The following LSAMP variants were observed in gnomAD, a reference collection of about 807,000 sequenced individuals.
The protein encoded by LSAMP is limbic system associated membrane protein, also known as limbic system-associated membrane protein.
A neutral mutation model predicts 38.6 loss-of-function variants in LSAMP; 7 were observed. The ratio of observed to expected loss-of-function variants is 0.18; its 90% confidence interval spans 0.10 to 0.34. The LOEUF (loss-of-function observed/expected upper bound fraction) is 0.34, where lower values mean the gene tolerates loss of function less well. Ranked by LOEUF, LSAMP falls within the 10% of genes least tolerant of loss-of-function variation. The pLI is 1.00. For synonymous variants in LSAMP, 154 were observed against 166.8 expected, an observed-to-expected ratio of 0.92 and a Z score of 0.59; for missense variants, 313 against 420.0, an observed-to-expected ratio of 0.75 and a Z score of 2.23.
intron 3 of LSAMP, among the ~76,000 whole-genome samples, chr3:116,001,716 T>G (rs911417294): frequency 1.2e-4 from 19 of 152,282 alleles, no homozygotes; most frequent in African/African-American, 4.3e-4. Context: ...GTGTAGTATC[T>G]TCAAGTCTCT....
chr3:116,007,663 A>AACACAC lies in LSAMP; in HGVS notation c.514+11846_514+11851dup, dbSNP rs71616337. 2.8e-3 allele frequency among the ~76,000 whole-genome samples: 415 copies of AACACAC among 150,876 alleles called. 2 individuals are homozygous for AACACAC. Among genetic ancestry groups the AACACAC allele is most frequent in the African/African-American group, 8.8e-3 (363 of 41,148 alleles). On this transcript the variant is annotated intron_variant, in intron 3 of 6. Coordinates refer to ENST00000490035, the MANE Select transcript of LSAMP (RefSeq NM_002338.5). ...GCATATATATCAAGATATTTTTATA[A>AACACAC]ACACACACACACACACACAGTCACT... is the stretch of plus-strand genomic sequence containing the variant.
chr3:116,138,275 A>T (rs1018787198), intron 1 of LSAMP, among the ~76,000 whole-genome samples: 1 of 152,108 alleles, frequency 6.6e-6, no homozygotes, highest in African/African-American at 2.4e-5. Flanking sequence ...TATTCTACAC[A>T]ACTTGTGTTA....
At chr3:115,985,287 T>C (rs1215617839) in intron 3 of LSAMP, among the ~76,000 whole-genome samples, 1 of 152,144 alleles carries the variant, frequency 6.6e-6, no homozygotes, top group Non-Finnish European at 1.5e-5. Flanking sequence ...ATTGGCTTAG[T>C]GGTTAATTAG....
intron 1 of LSAMP, among the ~76,000 whole-genome samples, chr3:116,381,957 T>G (rs533873444): frequency 6.6e-6 from 1 of 152,156 alleles, no homozygotes; most frequent in East Asian, 1.9e-4. Flanking sequence ...GTACAGCGTT[T>G]GAGACAAAAA....
At chr3:115,973,024 G>A (rs1158843639) in intron 3 of LSAMP, among the ~76,000 whole-genome samples, 5 of 152,090 alleles carry the variant, frequency 3.3e-5, no homozygotes, top group Non-Finnish European at 7.4e-5. Flanking sequence ...GCAGACAAGA[G>A]AAGGACATGT....
chr3:116,302,278 A>ATAAG (rs1461480525), intron 1 of LSAMP, among the ~76,000 whole-genome samples: 1 of 152,218 alleles, frequency 6.6e-6, no homozygotes, highest in Non-Finnish European at 1.5e-5. Flanking sequence ...AAAATTGTAT[A>ATAAG]TAAGTAACTA....
chr3:115,938,698 A>T (rs1937794552), intron 3 of LSAMP, among the ~76,000 whole-genome samples: 1 of 152,180 alleles, frequency 6.6e-6, no homozygotes, highest in African/African-American at 2.4e-5. Context: ...AATTAAACAA[A>T]ATCTTTTTAA....
rs1233519991 is a variant in LSAMP, at chr3:115,899,494, G to A, written c.515-46877C>T. ...GTACTTTAAAAAACTATTATTATAA[G>A]AGCTGTGATTACCCTTGTATACATA... On this transcript the variant is annotated intron_variant, in intron 3 of 6. Coordinates refer to ENST00000490035, the MANE Select transcript of LSAMP (RefSeq NM_002338.5). Among the ~76,000 whole-genome samples the A allele has an allele frequency of 2.0e-5, 3 of 152,082 alleles. No homozygotes were observed. In the East Asian group the frequency reaches 5.8e-4, roughly 29 times the overall value.
chr3:116,029,715 A>G (rs1940875844), intron 2 of LSAMP, among the ~76,000 whole-genome samples: 1 of 152,176 alleles, frequency 6.6e-6, no homozygotes, highest in Non-Finnish European at 1.5e-5. Flanking sequence ...TTCATCAGAC[A>G]GGAGCAGTTT....
intron 2 of LSAMP, among the ~76,000 whole-genome samples, chr3:116,055,091 CTG>C: frequency 6.6e-6 from 1 of 152,126 alleles, no homozygotes. Flanking sequence ...CCCTGATTTG[CTG>C]TGCAAATACA....
intron 2 of LSAMP, among the ~76,000 whole-genome samples, chr3:116,082,492 A>G (rs914074325): frequency 2.6e-5 from 4 of 151,560 alleles, no homozygotes; most frequent in African/African-American, 9.8e-5. Context: ...CATTTTGACA[A>G]GCATAGTAAG....
intron 1 of LSAMP, among the ~76,000 whole-genome samples, chr3:116,258,724 G>A (rs2046788087): frequency 6.6e-6 from 1 of 152,074 alleles, no homozygotes; most frequent in Admixed American, 6.6e-5. Flanking sequence ...CTTCCTGAAG[G>A]TGAACACAAC....
chr3:116,004,522 G>GTATA (rs149186725), intron 3 of LSAMP, among the ~76,000 whole-genome samples: 53,478 of 144,792 alleles, frequency 0.37, 9,740 homozygotes, highest in Admixed American at 0.4. Flanking sequence ...ATATATATGT[G>GTATA]TATATATATA....
At chr3:116,289,413 AATTTTTTTTT>A (rs1174834285) in intron 1 of LSAMP, among the ~76,000 whole-genome samples, 1 of 152,180 alleles carries the variant, frequency 6.6e-6, no homozygotes. Context: ...ACTTAGAACA[AATTTTTTTTT>A]CAAGAAAACA....
At chr3:115,949,524 CT>C (rs547195505) in intron 3 of LSAMP, among the ~76,000 whole-genome samples, 298 of 151,818 alleles carry the variant, frequency 2.0e-3, no homozygotes, top group African/African-American at 6.9e-3. Context: ...CCTAGATTAA[CT>C]CAGGAAGAAA....
chr3:116,392,210 G>C (rs1033870461), intron 1 of LSAMP, among the ~76,000 whole-genome samples: 2 of 152,206 alleles, frequency 1.3e-5, no homozygotes, highest in Non-Finnish European at 2.9e-5. Flanking sequence ...CCCATTTTGA[G>C]TTGGTGGAGT....
At chr3:116,069,932 A>G (rs1250571842) in intron 2 of LSAMP, among the ~76,000 whole-genome samples, 2 of 152,168 alleles carry the variant, frequency 1.3e-5, no homozygotes, top group Non-Finnish European at 2.9e-5. Context: ...TCATCAATGG[A>G]CAAAATCGGA....
intron 1 of LSAMP, among the ~76,000 whole-genome samples, chr3:116,091,183 T>G (rs1347604431): frequency 6.6e-6 from 1 of 152,214 alleles, no homozygotes; most frequent in Non-Finnish European, 1.5e-5. Context: ...GTGATATTTC[T>G]CCCATTTGCT....
At chr3:115,986,919 G>A (rs1006922086) in intron 3 of LSAMP, among the ~76,000 whole-genome samples, 1 of 152,098 alleles carries the variant, frequency 6.6e-6, no homozygotes, top group Admixed American at 6.6e-5. Context: ...GTGATGAAGA[G>A]GGGAGGAGAC....
Sources: gnomAD v4.1 joint callset for allele counts (sites outside exome capture counted in the v4.1 genomes callset) on GRCh38, gnomAD v4.1.1 for gene constraint, MANE v1.5 for transcripts, NCBI Gene and HGNC (gene_info 2026-07-23, HGNC 2026-07-21) for gene names.